The following NLE1 variants were observed in gnomAD, a reference collection of about 807,000 sequenced individuals.
The protein encoded by NLE1 is notchless homolog 1, also known as notchless protein homolog 1.
A neutral mutation model predicts 62.8 loss-of-function variants in NLE1; 37 were observed. That is an observed-to-expected ratio of 0.59 (90% CI 0.45 to 0.78). The LOEUF is 0.78. Ranked by LOEUF, NLE1 falls within the 30% of genes least tolerant of loss-of-function variation. The pLI is 0.00. For synonymous variants in NLE1, 243 were observed against 253.0 expected (o/e 0.96, Z 0.37); for missense variants, 555 against 637.9 (o/e 0.87, Z 1.40).
chr17:35,133,573 T>C lies in NLE1; in HGVS notation c.1215-75A>G, dbSNP rs1192862967. ...AACACGTCTGAAGGGTCCCCTACGC[T>C]CATGGCAGTGGTTCTCAACCTCGGC... On this transcript the variant is annotated intron_variant, in intron 10 of 12. Coordinates refer to ENST00000442241, the MANE Select transcript of NLE1 (RefSeq NM_018096.5). 3.6e-6 allele frequency: 5 copies of C among 1,396,032 alleles called. No individual in the cohort carries two copies. The African/African-American group carries it at 7.1e-5, about 20-fold the overall frequency. The allele number at this position is 1,396,032 out of a possible 1,614,324, so 86.5% of individuals were successfully genotyped here. A position where few individuals can be genotyped will look rare whatever the true frequency, so the allele number is the denominator to read the frequency against.
intron 12 of NLE1, 27 bp from the exon 13 acceptor site, chr17:35,132,476 TG>T: frequency 7.3e-7 from 1 of 1,375,328 alleles, no homozygotes; most frequent in Admixed American, 3.3e-5. Context: ...GGTGTCAGGA[TG>T]GGGATTCCAC....
chr17:35,133,966 T>C (rs972374959), intron 10 of NLE1, among the ~76,000 whole-genome samples: 23 of 152,110 alleles, frequency 1.5e-4, no homozygotes, highest in African/African-American at 4.8e-4. Context: ...CAATTACCTA[T>C]CTTAAAGGGT....
intron 9 of NLE1, 44 bp downstream of exon 9, chr17:35,136,125 G>A (rs1314802397): frequency 6.2e-7 from 1 of 1,605,120 alleles, no homozygotes; most frequent in Admixed American, 1.7e-5. Flanking sequence ...ATTGGCTAAG[G>A]ACTGGTACAG....
At position 35,130,659 on chromosome 17, in the gene NLE1, C is replaced by T; in HGVS notation, c.*1778G>A. 1.8e-6 allele frequency: 1 copy of T among 540,932 alleles called. No individual in the cohort carries two copies. The highest frequency in any genetic ancestry group is 3.3e-6 in the Non-Finnish European group (1 of 304,780). The allele number at this position is 540,932 out of a possible 1,614,324, so 33.5% of individuals were successfully genotyped here. ...TGCCAGGCTCAGCCACTGCCCACAG[C>T]TGCTAGACTCCCTCCTCCTCCAAAT... On this transcript the variant is annotated 3_prime_UTR_variant, in exon 13 of 13. Coordinates refer to ENST00000442241, the MANE Select transcript of NLE1 (RefSeq NM_018096.5).
Position 35,135,512 on chromosome 17 carries a change from G to A in NLE1, c.1012-61C>T, listed in dbSNP as rs139810180. On this transcript the variant is annotated intron_variant, in intron 9 of 12. Coordinates refer to ENST00000442241, the MANE Select transcript of NLE1 (RefSeq NM_018096.5). ...GTCTCAGAAAGAAGGAGGAGGGCCC[G>A]ACTTTGGCAGCAAGCATACACCCTG... is the stretch of plus-strand genomic sequence containing the variant. 41 of 1,479,692 alleles carry A rather than the reference G, an allele frequency of 2.8e-5. No individual in the cohort carries two copies. The East Asian group carries it at 6.2e-4, about 22-fold the overall frequency. The allele number at this position is 1,479,692 out of a possible 1,614,324, so 91.7% of individuals were successfully genotyped here. A position where few individuals can be genotyped will look rare whatever the true frequency, so the allele number is the denominator to read the frequency against.
Position 35,141,985 on chromosome 17 carries a change from C to A in NLE1, c.156G>T (p.Leu52=). 1 of 1,583,128 alleles carries A rather than the reference C, an allele frequency of 6.3e-7. No homozygotes were observed. Among genetic ancestry groups the A allele is most frequent in the Non-Finnish European group, 8.6e-7 (1 of 1,165,948 alleles). The change falls in exon 2 of 13, where the codon CTG becomes CTT. Residue 52 remains leucine (L), a synonymous_variant. Transcript: ENST00000442241. ...GCCCTGGCCAGCCACTTACCTGGGC[C>A]AGTAGCGCGTTGCACACGAGCTGCA... is the stretch of plus-strand genomic sequence containing the variant. The part of the protein sequence containing the change: ...DRLQLVCNAL[L]AQEDPLPLAF...
At chr17:35,140,876 C>T (rs528199104) in intron 2 of NLE1, among the ~76,000 whole-genome samples, 1 of 152,218 alleles carries the variant, frequency 6.6e-6, no homozygotes, top group East Asian at 1.9e-4. Context: ...AGGCATAAGC[C>T]ACTGCACCCG....
intron 10 of NLE1, 40 bp from the exon 11 acceptor site, chr17:35,133,538 T>A: frequency 6.4e-7 from 1 of 1,568,808 alleles, no homozygotes; most frequent in Non-Finnish European, 8.6e-7. Context: ...TAGTCTGAGT[T>A]ACATCTTTCA....
Position 35,139,295 on chromosome 17 carries a change from C to G in NLE1, c.400G>C (p.Gly134Arg). 1 of 1,613,992 alleles carries G rather than the reference C, an allele frequency of 6.2e-7. No homozygotes were observed. The highest frequency in any genetic ancestry group is 8.5e-7 in the Non-Finnish European group (1 of 1,179,916). Residue 134 changes from glycine (G) to arginine (R), a missense_variant, in exon 4 of 13, where the codon GGA (glycine) becomes CGA (arginine). Physicochemically the swap from Gly to Arg is moderately radical, Grantham distance 125. Coordinates refer to ENST00000442241, the MANE Select transcript of NLE1 (RefSeq NM_018096.5). ...PTGKYLASGS[G>R]DTTVRFWDLS... is the part of the protein sequence containing the mutation. ...TCCCAGAAGCGCACGGTGGTGTCTC[C>G]AGAGCCACTGGCCAGGTACCTGGGG...
rs2091932035 is a variant in NLE1 at position 35,139,874 on chromosome 17, A to G, written c.355T>C (p.Ser119Pro). The G allele has an allele frequency of 6.2e-7, 1 of 1,613,544 alleles. No individual in the cohort carries two copies. The highest frequency in any genetic ancestry group is 1.3e-5 in the African/African-American group (1 of 74,940). Residue 119 changes from serine to proline, a missense_variant, in exon 3 of 13, where the codon TCT becomes CCT. Physicochemically the swap from Ser to Pro is moderately conservative, Grantham distance 74. Transcript: ENST00000442241. The stretch of plus-strand genomic sequence containing the variant: ...TTTCCCGTAGGGCTGAAGGCCACAG[A>G]AATGACTGCCTCACTGTGACCCTCC... ...SLEGHSEAVI[S>P]VAFSPTGKYL...
rs138824931 is a variant in NLE1 at position 35,139,849 on chromosome 17, T to C, written c.380A>G (p.Lys127Arg). The C allele has an allele frequency of 3.6e-5, 58 of 1,611,966 alleles. No homozygotes were observed. The African/African-American group carries it at 4.8e-4, about 13-fold the overall frequency. ...VISVAFSPTGKYLASGSGDTT... is the reference protein window; with the variant it reads ...VISVAFSPTGRYLASGSGDTT... Reference sequence around the variant, plus strand: ...TCCATGAGTCTGCAGCTGTCCTTACTTTCCCGTAGGGCTGAAGGCCACAGA... The same window carrying C: ...TCCATGAGTCTGCAGCTGTCCTTACCTTCCCGTAGGGCTGAAGGCCACAGA... Residue 127 changes from lysine (K) to arginine (R), a missense_variant and splice_region_variant, in exon 3 of 13, where the codon AAG becomes AGG. Physicochemically the swap from Lys to Arg is conservative, Grantham distance 26. Coordinates refer to ENST00000442241, the MANE Select transcript of NLE1 (RefSeq NM_018096.5).
Position 35,139,908 on chromosome 17 carries a change from G to T in NLE1, c.321C>A (p.Thr107=). Residue 107 remains threonine, a synonymous_variant, in exon 3 of 13, where the codon ACC becomes ACA. Transcript: ENST00000442241. ...CCTCACTGTGACCCTCCAAGGAGCT[G>T]GTGCAGCGAGTCACAGCCCGGACTC... ...IFRVRAVTRC[T]SSLEGHSEAV... is the part of the protein sequence containing the mutation. 6.2e-7 allele frequency: 1 copy of T among 1,614,078 alleles called. No homozygotes were observed. Among genetic ancestry groups the T allele is most frequent in the South Asian group, 1.1e-5 (1 of 91,080 alleles).
Position 35,129,547 on chromosome 17 carries a change from G to C in NLE1, c.*2890C>G. 6.2e-7 allele frequency: 1 copy of C among 1,614,188 alleles called. No individual in the cohort carries two copies. The highest frequency in any genetic ancestry group is 8.5e-7 in the Non-Finnish European group (1 of 1,180,036). On this transcript the variant is annotated 3_prime_UTR_variant, in exon 13 of 13. Coordinates refer to ENST00000442241, the MANE Select transcript of NLE1 (RefSeq NM_018096.5). ...AGAATCGTCCATGGATCTTCAACAA[G>C]ATTTTGGGCACTACTGTCAAGCTGA...
chr17:35,142,296 A>G lies in NLE1; in HGVS notation c.-21T>C, dbSNP rs1188037928. 2 of 1,536,768 alleles carry G rather than the reference A, an allele frequency of 1.3e-6. No individual in the cohort carries two copies. The highest frequency in any genetic ancestry group is 1.7e-6 in the Non-Finnish European group (2 of 1,144,600). On this transcript the variant is annotated 5_prime_UTR_variant, in exon 1 of 13. Transcript: ENST00000442241. ...GCCATCCTGCGTCCCCACGTGGAGG[A>G]GAAAGAGCCCGGCAGACAGAGCGCC...
chr17:35,141,276 G>A (rs1370124425), intron 2 of NLE1, among the ~76,000 whole-genome samples: 13 of 152,084 alleles, frequency 8.5e-5, no homozygotes, highest in South Asian at 2.1e-4. Flanking sequence ...GGCCGGGTGC[G>A]GTGGCTCACG....
chr17:35,142,150 G>A, intron 1 of NLE1, 28 bp from the exon 2 acceptor site: 1 of 1,608,254 alleles, frequency 6.2e-7, no homozygotes, highest in Non-Finnish European at 8.5e-7. Flanking sequence ...GCGGGAGTCA[G>A]TCTGGTCGCC....
Position 35,139,271 on chromosome 17 carries a change from C to A in NLE1, c.424G>T (p.Asp142Tyr). ...GSGDTTVRFW[D>Y]LSTETPHFTC... is the part of the protein sequence containing the mutation. Reference sequence around the variant, plus strand: ...AAATGTGGTGTCTCTGTGCTGAGATCCCAGAAGCGCACGGTGGTGTCTCCA... The same window carrying A: ...AAATGTGGTGTCTCTGTGCTGAGATACCAGAAGCGCACGGTGGTGTCTCCA... Residue 142 changes from aspartate to tyrosine, a missense_variant, in exon 4 of 13, where the codon GAT becomes TAT. Asp to Tyr is a radical substitution (Grantham distance 160). Transcript: ENST00000442241. 6.2e-7 allele frequency: 1 copy of A among 1,614,028 alleles called. No individual in the cohort carries two copies. The highest frequency in any genetic ancestry group is 8.5e-7 in the Non-Finnish European group (1 of 1,179,948).
intron 7 of NLE1, 132 bp from the exon 8 acceptor site, chr17:35,136,629 C>G: frequency 6.0e-6 from 7 of 1,159,256 alleles, no homozygotes; most frequent in Non-Finnish European, 6.0e-6. Flanking sequence ...AACTACCCCT[C>G]TGGGGTCAAG....
chr17:35,141,962 C>T lies in NLE1; in HGVS notation c.162+17G>A, dbSNP rs1350595804. 1.3e-6 allele frequency: 2 copies of T among 1,559,534 alleles called. No individual in the cohort carries two copies. The highest frequency in any genetic ancestry group is 1.7e-6 in the Non-Finnish European group (2 of 1,152,246). On this transcript the variant is annotated intron_variant, in intron 2 of 12. Coordinates refer to ENST00000442241, the MANE Select transcript of NLE1 (RefSeq NM_018096.5). ...CCCGGGGGTGGAGATGCGAGGCCGC[C>T]CTGGCCAGCCACTTACCTGGGCCAG...
Sources: allele counts gnomAD v4.1 joint callset (sites outside exome capture counted in the v4.1 genomes callset), GRCh38; gene constraint gnomAD v4.1.1; transcripts MANE v1.5; gene names NCBI Gene and HGNC (gene_info 2026-07-23, HGNC 2026-07-21).